TRMT9B: variants seen among roughly 807,000 people sequenced by gnomAD.
The protein encoded by TRMT9B is probable tRNA methyltransferase 9B.
Under a neutral mutation model 11.5 loss-of-function variants are expected in TRMT9B, and 16 were observed. The observed-to-expected ratio is 1.39, with a 90% CI of 0.94 to 2.11. The LOEUF (loss-of-function observed/expected upper bound fraction) is 2.11, where lower values mean the gene tolerates loss of function less well. Among genes scored for constraint, TRMT9B ranks in the 30% most tolerant of loss-of-function variants. TRMT9B has a pLI of 0.00. For missense variants in TRMT9B, 941 were observed against 553.8 expected (o/e 1.70, Z -7.02); for synonymous variants, 274 against 192.4 (o/e 1.42, Z -3.51).
rs929593920 is a variant in TRMT9B at position 13,023,978 on chromosome 8, T to G, written c.*1934T>G. 1 of 166,768 alleles carries G rather than the reference T, an allele frequency of 6.0e-6. No homozygotes were observed. Among genetic ancestry groups the G allele is most frequent in the African/African-American group, 2.4e-5 (1 of 41,376 alleles). The allele number at this position is 166,768 out of a possible 1,614,324, so 10.3% of individuals were successfully genotyped here. A position where few individuals can be genotyped will look rare whatever the true frequency, so the allele number is the denominator to read the frequency against. On this transcript the variant is annotated 3_prime_UTR_variant, in exon 5 of 5. Coordinates refer to ENST00000524591, the MANE Select transcript of TRMT9B (RefSeq NM_020844.3). ...CTGTTCAGTGTACATCCTGCAGTAG[T>G]GGATGATTGAAAACATATATAAGTG...
chr8:13,022,984 A>AAATAAT lies in TRMT9B; in HGVS notation c.*958_*963dup, dbSNP rs371817544. Reference sequence around the variant, plus strand: ...GGCAACATAGCAAGACTCTGTCTCAAAATAATAATAATAATAATAATAAAG... The same window carrying AAATAAT: ...GGCAACATAGCAAGACTCTGTCTCAAAATAATAATAATAATAATAATAATAATAAAG... On this transcript the variant is annotated 3_prime_UTR_variant, in exon 5 of 5. Coordinates refer to ENST00000524591, the MANE Select transcript of TRMT9B (RefSeq NM_020844.3). The AAATAAT allele has an allele frequency of 5.0e-4, 82 of 165,076 alleles. No individual in the cohort carries two copies. Among genetic ancestry groups the AAATAAT allele is most frequent in the Middle Eastern group, 3.2e-3 (1 of 314 alleles). 10.2% of individuals were successfully genotyped at this position (165,076 alleles called of 1,614,324 possible).
In TRMT9B at chr8:12,991,013, T is replaced by C; in HGVS notation, c.-20T>C. On this transcript the variant is annotated 5_prime_UTR_variant, in exon 2 of 5. Coordinates refer to ENST00000524591, the MANE Select transcript of TRMT9B (RefSeq NM_020844.3). ...ACAAAGACAAGAGGTAATTTTCCTG[T>C]AATCACAGGATGACTCAGGTTAGTA... The C allele has an allele frequency of 7.9e-7, 1 of 1,271,012 alleles. No homozygotes were observed. Among genetic ancestry groups the C allele is most frequent in the Non-Finnish European group, 1.0e-6 (1 of 978,494 alleles). The allele number at this position is 1,271,012 out of a possible 1,614,324, so 78.7% of individuals were successfully genotyped here.
chr8:12,997,543 G>T (rs1808589040), intron 2 of TRMT9B, among the ~76,000 whole-genome samples: 1 of 152,114 alleles, frequency 6.6e-6, no homozygotes. Context: ...CTAATATAGG[G>T]ACTGATCCAT....
At chr8:13,018,515 G>C (rs1004900943) in intron 4 of TRMT9B, among the ~76,000 whole-genome samples, 3 of 151,922 alleles carry the variant, frequency 2.0e-5, no homozygotes, top group Admixed American at 6.6e-5. Flanking sequence ...CCGTTTTAAA[G>C]GTTTTTTTGT....
chr8:12,975,508 A>G (rs2466253), intron 1 of TRMT9B, among the ~76,000 whole-genome samples: 64,728 of 151,932 alleles, frequency 0.43, 14,297 homozygotes, highest in East Asian at 0.63. Flanking sequence ...AGGCTGAGGC[A>G]AGCAGATCAC....
intron 1 of TRMT9B, among the ~76,000 whole-genome samples, chr8:12,975,068 T>C (rs565422159): frequency 1.1e-4 from 16 of 151,800 alleles, no homozygotes; most frequent in Non-Finnish European, 2.1e-4. Flanking sequence ...TTTACACTAA[T>C]GGGGAAAATC....
At position 13,005,196 on chromosome 8, in the gene TRMT9B, G is replaced by T. The variant is rs186919817; in HGVS notation, c.-1-1006G>T. ...GAAATCAGTCAGGCACAGAAAGACAGGCTTCATATGTTCTCACTTATTTGT... is the reference window on the plus strand; with the variant it reads ...GAAATCAGTCAGGCACAGAAAGACATGCTTCATATGTTCTCACTTATTTGT... On this transcript the variant is annotated intron_variant, in intron 2 of 4. Transcript: ENST00000524591. Among the ~76,000 whole-genome samples, 13 of 152,246 alleles carry T rather than the reference G, an allele frequency of 8.5e-5. No homozygotes were observed. In the East Asian group the frequency reaches 2.3e-3, roughly 27 times the overall value.
At chr8:13,008,963 T>A (rs2460371) in intron 3 of TRMT9B, among the ~76,000 whole-genome samples, 3 of 151,766 alleles carry the variant, frequency 2.0e-5, no homozygotes, top group Non-Finnish European at 4.4e-5. Context: ...CTCCTGACTT[T>A]GTGATCCACC....
chr8:13,001,395 T>G (rs890264658), intron 2 of TRMT9B, among the ~76,000 whole-genome samples: 62 of 152,206 alleles, frequency 4.1e-4, no homozygotes, highest in Admixed American at 1.5e-3. Context: ...GATGAGCAAC[T>G]CTGATGCGCA....
Position 12,990,836 on chromosome 8 carries a change from C to T in TRMT9B, c.-197C>T, listed in dbSNP as rs566901745. The T allele has an allele frequency of 1.6e-6, 2 of 1,288,542 alleles. No homozygotes were observed. The highest frequency in any genetic ancestry group is 2.0e-6 in the Non-Finnish European group (2 of 987,874). 79.8% of individuals were successfully genotyped at this position (1,288,542 alleles called of 1,614,324 possible). On this transcript the variant is annotated splice_region_variant and 5_prime_UTR_variant, in exon 2 of 5. Transcript: ENST00000524591. Reference sequence around the variant, plus strand: ...AGTATTTGTTTTCTTCCTGATAGGGCCTGTGCTTCCTTCAGAGACTCACAC... The same window carrying T: ...AGTATTTGTTTTCTTCCTGATAGGGTCTGTGCTTCCTTCAGAGACTCACAC...
intron 1 of TRMT9B, among the ~76,000 whole-genome samples, chr8:12,972,750 T>C (rs1803837423): frequency 6.6e-6 from 1 of 152,228 alleles, no homozygotes; most frequent in South Asian, 2.1e-4. Flanking sequence ...ATGACTCTCA[T>C]GTTCTGAAGC....
At chr8:12,963,075 A>G (rs1585103506) in intron 1 of TRMT9B, among the ~76,000 whole-genome samples, 4 of 152,364 alleles carry the variant, frequency 2.6e-5, no homozygotes, top group South Asian at 2.1e-4. Flanking sequence ...TAAAAAATGG[A>G]GGAAAAATTA....
chr8:13,012,554 G>A, intron 3 of TRMT9B, 130 bp from the exon 4 acceptor site: 1 of 1,206,632 alleles, frequency 8.3e-7, no homozygotes, highest in Non-Finnish European at 1.1e-6. Context: ...CAGCCTGGGT[G>A]ACTGAGGGAG....
chr8:13,024,851 C>G lies in TRMT9B; in HGVS notation c.*2807C>G, dbSNP rs1563477399. On this transcript the variant is annotated 3_prime_UTR_variant, in exon 5 of 5. Transcript: ENST00000524591. ...TATTTAATTTGGTGATTGATAATCT[C>G]TCTTTGGGGTAGTCACATGGAAAGC... 2 of 166,920 alleles carry G rather than the reference C, an allele frequency of 1.2e-5. No individual in the cohort carries two copies. Among genetic ancestry groups the G allele is most frequent in the African/African-American group, 4.8e-5 (2 of 41,430 alleles). 10.3% of individuals were successfully genotyped at this position (166,920 alleles called of 1,614,324 possible).
chr8:13,007,589 A>G (rs1021250882), intron 3 of TRMT9B: 1 of 152,202 alleles, frequency 6.6e-6, no homozygotes, highest in African/African-American at 2.4e-5. Flanking sequence ...GAAGGGGTGC[A>G]TGTCACATGG....
chr8:12,963,695 G>A (rs750117802), intron 1 of TRMT9B, among the ~76,000 whole-genome samples: 1 of 152,172 alleles, frequency 6.6e-6, no homozygotes, highest in East Asian at 1.9e-4. Flanking sequence ...GCTATGATGA[G>A]CCGTGATTGC....
intron 1 of TRMT9B, among the ~76,000 whole-genome samples, chr8:12,980,079 C>A (rs534526713): frequency 6.6e-6 from 1 of 152,058 alleles, no homozygotes. Context: ...ATTTGTTTCC[C>A]GGGGCTGCTG....
chr8:13,000,289 T>C (rs10113105), intron 2 of TRMT9B, among the ~76,000 whole-genome samples: 21,371 of 152,194 alleles, frequency 0.14, 1,680 homozygotes, highest in African/African-American at 0.22. Context: ...TAATCACATG[T>C]CCAGGGAAGG....
At position 13,021,703 on chromosome 8, in the gene TRMT9B, A is replaced by C; in HGVS notation, c.1024A>C (p.Arg342=). Residue 342 remains arginine (R), a synonymous_variant, in exon 5 of 5, where the codon AGG becomes CGG. Transcript: ENST00000524591. ...AAATGGAGACCATCAAGGGGAAATG[A>C]GGAGAAATGGAGGGGGAAATTTTCT... ...HLNGDHQGEM[R]RNGGGNFLDS... 1.2e-6 allele frequency: 2 copies of C among 1,613,992 alleles called. No individual in the cohort carries two copies. Among genetic ancestry groups the C allele is most frequent in the African/African-American group, 1.3e-5 (1 of 75,060 alleles).
Sources: allele counts gnomAD v4.1 joint callset (sites outside exome capture counted in the v4.1 genomes callset), GRCh38; gene constraint gnomAD v4.1.1; transcripts MANE v1.5; gene names NCBI Gene and HGNC (gene_info 2026-07-23, HGNC 2026-07-21).